Variants in MED21 observed in about 807,000 individuals in gnomAD.
MED21 encodes the protein mediator complex subunit 21, also known as mediator of RNA polymerase II transcription subunit 21.
In MED21, 9 loss-of-function variants were observed where a neutral mutation model predicts 18.2. The ratio of observed to expected loss-of-function variants is 0.49; its 90% CI spans 0.30 to 0.86. The LOEUF (loss-of-function observed/expected upper bound fraction) is 0.86, where lower values mean the gene tolerates loss of function less well. Ranked by LOEUF, MED21 falls within the 40% of genes least tolerant of loss-of-function variation. The probability of loss-of-function intolerance (pLI) is 0.07; values close to 1 mark genes in which losing one functional copy is unlikely to be tolerated. For missense variants in MED21, 150 were observed against 170.9 expected (o/e 0.88, Z 0.68); for synonymous variants, 73 against 60.5 (o/e 1.21, Z -0.96).
At chr12:27,023,087 C>T (rs1941494004) in intron 1 of MED21, among the ~76,000 whole-genome samples, 1 of 152,024 alleles carries the variant, frequency 6.6e-6, no homozygotes, top group Non-Finnish European at 1.5e-5. Flanking sequence ...CGAGAGTATT[C>T]CTTCACCAGC....
In MED21 at chr12:27,022,628, A is replaced by T. The variant is rs369494261; in HGVS notation, c.42+7A>T. ...TCAGGACGCTGTGAATTCGGTGAGG[A>T]ATTTCATTCGATTAGCCTCTGTCTT... is the stretch of plus-strand genomic sequence containing the variant. On this transcript the variant is annotated splice_region_variant and intron_variant, in intron 1 of 3. Transcript: ENST00000282892. 1.4e-4 allele frequency: 219 copies of T among 1,595,650 alleles called. No individual in the cohort carries two copies. Among genetic ancestry groups the T allele is most frequent in the Non-Finnish European group, 1.7e-4 (199 of 1,167,052 alleles).
Position 27,030,470 on chromosome 12 carries a change from A to G in MED21, c.*2009A>G, listed in dbSNP as rs1016658866. The G allele has an allele frequency of 1.2e-5, 4 of 342,278 alleles. No homozygotes were observed. Among genetic ancestry groups the G allele is most frequent in the Non-Finnish European group, 1.6e-5 (3 of 192,470 alleles). The allele number at this position is 342,278 out of a possible 1,614,324, so 21.2% of individuals were successfully genotyped here. On this transcript the variant is annotated 3_prime_UTR_variant, in exon 4 of 4. Coordinates refer to ENST00000282892, the MANE Select transcript of MED21 (RefSeq NM_004264.5). ...TAAAAAACTACAGATTATTTTCAAA[A>G]GCATTAATAAATTAAGGTGGAATAC...
rs1487378230 is a variant in MED21, at chr12:27,029,523, T to TGA, written c.*1062_*1063insGA. The TGA allele has an allele frequency of 4.5e-5, 44 of 985,336 alleles. No individual in the cohort carries two copies. The highest frequency in any genetic ancestry group is 5.1e-5 in the Non-Finnish European group (42 of 829,932). 61.0% of individuals were successfully genotyped at this position (985,336 alleles called of 1,614,324 possible). A position where few individuals can be genotyped will look rare whatever the true frequency, so the allele number is the denominator to read the frequency against. ...AGCTACATTTGCTGCAATCTGTTGCTATTCAGAGTTTAAGTTTCAGGAGAA... is the reference window on the plus strand; with the variant it reads ...AGCTACATTTGCTGCAATCTGTTGCTGAATTCAGAGTTTAAGTTTCAGGAGAA... On this transcript the variant is annotated 3_prime_UTR_variant, in exon 4 of 4. Transcript: ENST00000282892.
At chr12:27,035,312 G>A (rs61920363), downstream of MED21, among the ~76,000 whole-genome samples, 3 of 151,812 alleles carry the variant, frequency 2.0e-5, no homozygotes, top group South Asian at 4.2e-4. Flanking sequence ...CTAAATATGC[G>A]GTTTCTTTGA....
intron 3 of MED21, among the ~76,000 whole-genome samples, 154 bp downstream of exon 3, chr12:27,027,601 G>C (rs1941562771): frequency 6.6e-6 from 1 of 152,156 alleles, no homozygotes; most frequent in African/African-American, 2.4e-5. Flanking sequence ...TTTTCTCACA[G>C]TTCTGGAGTC....
Position 27,030,317 on chromosome 12 carries a change from T to TA in MED21, c.*1857dup. ...GCTAATTTTTTTTTTCTTTTTTTTT[T>TA]AGAGATGGGGTCTCACTCTGTTGCC... is the stretch of plus-strand genomic sequence containing the variant. On this transcript the variant is annotated 3_prime_UTR_variant, in exon 4 of 4. Coordinates refer to ENST00000282892, the MANE Select transcript of MED21 (RefSeq NM_004264.5). The TA allele has an allele frequency of 2.1e-6, 1 of 480,580 alleles. No homozygotes were observed. Among genetic ancestry groups the TA allele is most frequent in the East Asian group, 3.1e-5 (1 of 32,630 alleles). The allele number at this position is 480,580 out of a possible 1,614,324, so 29.8% of individuals were successfully genotyped here. A position where few individuals can be genotyped will look rare whatever the true frequency, so the allele number is the denominator to read the frequency against.
chr12:27,031,671 G>A (rs1941620120), downstream of MED21, among the ~76,000 whole-genome samples: 1 of 151,964 alleles, frequency 6.6e-6, no homozygotes, highest in Admixed American at 6.6e-5. Context: ...ACATGTCAGT[G>A]TGAGGTAGAG....
chr12:27,033,834 T>TA (rs1300766492), downstream of MED21, among the ~76,000 whole-genome samples: 1 of 152,228 alleles, frequency 6.6e-6, no homozygotes, highest in Non-Finnish European at 1.5e-5. Context: ...ACTTGTGGTA[T>TA]TCGGCCAAGA....
At position 27,023,637 on chromosome 12, in the gene MED21, A is replaced by G. The variant is rs138059905; in HGVS notation, c.42+1016A>G. 1.9e-3 allele frequency among the ~76,000 whole-genome samples: 285 copies of G among 152,030 alleles called. 3 individuals carry two copies. The East Asian group carries it at 0.045, about 24-fold the overall frequency. On this transcript the variant is annotated intron_variant, in intron 1 of 3. Coordinates refer to ENST00000282892, the MANE Select transcript of MED21 (RefSeq NM_004264.5). ...ATGTCTCCCCCAAATTCTACTCTCT[A>G]TTAAAGGCCAAGTCTAGTAAGTAGC...
At chr12:27,026,257 A>G (rs1941543621) in intron 1 of MED21, among the ~76,000 whole-genome samples, 163 bp from the exon 2 acceptor site, 1 of 152,250 alleles carries the variant, frequency 6.6e-6, no homozygotes. Context: ...CGTTTAATCA[A>G]CATTAATAAT....
At chr12:27,027,085 C>G (rs1197519267) in intron 2 of MED21, among the ~76,000 whole-genome samples, 1 of 152,136 alleles carries the variant, frequency 6.6e-6, no homozygotes, top group Admixed American at 6.5e-5. Flanking sequence ...CATGCCACCA[C>G]GTCTGGCTAA....
At chr12:27,036,419 C>T (rs529970736) in intron 2 of MED21, among the ~76,000 whole-genome samples, 1 of 152,296 alleles carries the variant, frequency 6.6e-6, no homozygotes, top group Admixed American at 6.5e-5. Flanking sequence ...GTTTCTTTTG[C>T]TGTGCAGAAG....
chr12:27,037,120 C>T (rs1228247078), intron 2 of MED21: 1 of 151,342 alleles, frequency 6.6e-6, no homozygotes, highest in Non-Finnish European at 1.5e-5. Context: ...TTTCCTTGAG[C>T]AGTGGTTTGT....
At chr12:27,032,562 A>T (rs892107097), downstream of MED21, among the ~76,000 whole-genome samples, 3 of 152,204 alleles carry the variant, frequency 2.0e-5, no homozygotes, top group Non-Finnish European at 4.4e-5. Flanking sequence ...GTACATGGCC[A>T]CTGACTACAG....
intron 2 of MED21, chr12:27,037,853 C>G (rs1008678298): frequency 3.3e-5 from 5 of 152,096 alleles, no homozygotes; most frequent in Admixed American, 6.5e-5. Flanking sequence ...TCTAACAGAT[C>G]AAAATCAGAA....
At chr12:27,026,588 CT>C in intron 2 of MED21, 54 bp downstream of exon 2, 1 of 1,124,230 alleles carries the variant, frequency 8.9e-7, no homozygotes, top group South Asian at 1.3e-5. Context: ...TTTTGTAATC[CT>C]TTAAAATTAG....
Position 27,027,360 on chromosome 12 carries a change from T to G in MED21, c.171T>G (p.Leu57=). ...ATCTTTCTCTAGAGTATGCCCAGCTTTTTGCAGCACTGATTGCACGAACAG... is the reference window on the plus strand; with the variant it reads ...ATCTTTCTCTAGAGTATGCCCAGCTGTTTGCAGCACTGATTGCACGAACAG... ...PANPTEEYAQ[L]FAALIARTAK... The change falls in exon 3 of 4, where the codon CTT becomes CTG. Residue 57 remains leucine, a synonymous_variant. Coordinates refer to ENST00000282892, the MANE Select transcript of MED21 (RefSeq NM_004264.5). The G allele has an allele frequency of 6.2e-7, 1 of 1,612,920 alleles. No homozygotes were observed. The highest frequency in any genetic ancestry group is 8.5e-7 in the Non-Finnish European group (1 of 1,179,430).
At chr12:27,026,644 G>A in intron 2 of MED21, 110 bp downstream of exon 2, 1 of 793,692 alleles carries the variant, frequency 1.3e-6, no homozygotes, top group South Asian at 1.6e-5. Flanking sequence ...AATTATTGTT[G>A]TTTGAGAATA....
chr12:27,023,785 A>G lies in MED21; in HGVS notation c.42+1164A>G, dbSNP rs553113862. Among the ~76,000 whole-genome samples, 7 of 151,908 alleles carry G rather than the reference A, an allele frequency of 4.6e-5. No individual in the cohort carries two copies. The East Asian group carries it at 9.6e-4, about 21-fold the overall frequency. On this transcript the variant is annotated intron_variant, in intron 1 of 3. Transcript: ENST00000282892. ...GAAGGGGTCATGTTCTGAGAAATGC[A>G]TGGTTTTGGCGATAACTTTTTTTTT...
Sources: allele counts gnomAD v4.1 joint callset (sites outside exome capture counted in the v4.1 genomes callset), GRCh38; gene constraint gnomAD v4.1.1; transcripts MANE v1.5; gene names NCBI Gene and HGNC (gene_info 2026-07-23, HGNC 2026-07-21).